The following RYR3 variants were observed in gnomAD, a reference collection of about 807,000 sequenced individuals.
The protein encoded by RYR3 is brain ryanodine receptor-calcium release channel.
In RYR3, 207 loss-of-function variants were observed where a neutral mutation model predicts 584.3. The ratio of observed to expected loss-of-function variants is 0.35; its 90% CI spans 0.32 to 0.40. RYR3 has a LOEUF of 0.40. Ranked by LOEUF, RYR3 falls within the 10% of genes least tolerant of loss-of-function variation. The pLI is 1.00. For missense variants in RYR3, 5,616 were observed against 6,089.2 expected (o/e 0.92, Z 2.59); for synonymous variants, 2,416 against 2,248.5 (o/e 1.07, Z -2.11).
chr15:33,488,961 C>G (rs2050735222), intron 2 of RYR3, among the ~76,000 whole-genome samples: 1 of 152,086 alleles, frequency 6.6e-6, no homozygotes, highest in Admixed American at 6.5e-5. Context: ...TGGTTATGAC[C>G]TTTTGTGTTG....
intron 45 of RYR3, among the ~76,000 whole-genome samples, chr15:33,726,038 C>T (rs1293985673): frequency 7.0e-6 from 1 of 142,310 alleles, no homozygotes; most frequent in African/African-American, 2.6e-5. Context: ...GCTGTCAACA[C>T]TTCTGTCGTG....
chr15:33,451,482 G>T (rs2047125470), intron 1 of RYR3, among the ~76,000 whole-genome samples: 1 of 152,096 alleles, frequency 6.6e-6, no homozygotes, highest in South Asian at 2.1e-4. Flanking sequence ...AAAAAAAACT[G>T]GGGAAAAATG....
At chr15:33,508,408 G>C (rs930246965) in intron 3 of RYR3, among the ~76,000 whole-genome samples, 14 of 152,192 alleles carry the variant, frequency 9.2e-5, no homozygotes, top group African/African-American at 3.4e-4. Flanking sequence ...CCAGCACTCT[G>C]GGAGGCTGAG....
chr15:33,538,500 T>A (rs2055525707), intron 5 of RYR3, among the ~76,000 whole-genome samples: 1 of 152,210 alleles, frequency 6.6e-6, no homozygotes, highest in Admixed American at 6.5e-5. Flanking sequence ...TGACAATGTC[T>A]GGTATTTCCA....
chr15:33,813,136 A>C, intron 73 of RYR3, 142 bp downstream of exon 73: 1 of 1,051,472 alleles, frequency 9.5e-7, no homozygotes, highest in Non-Finnish European at 1.4e-6. Flanking sequence ...GATCACCCCC[A>C]CGTGCCATCT....
intron 67 of RYR3, among the ~76,000 whole-genome samples, chr15:33,798,264 T>C (rs1460925642): frequency 2.6e-5 from 4 of 152,002 alleles, no homozygotes; most frequent in Admixed American, 2.6e-4. Context: ...AATTTTTGTA[T>C]TTTTTTAGTA....
At chr15:33,373,455 A>C (rs1221098670) in intron 1 of RYR3, among the ~76,000 whole-genome samples, 1 of 152,224 alleles carries the variant, frequency 6.6e-6, no homozygotes, top group African/African-American at 2.4e-5. Flanking sequence ...GGTCTAAATG[A>C]AATTATGTAT....
At chr15:33,465,028 G>T (rs531233804) in intron 1 of RYR3, among the ~76,000 whole-genome samples, 1 of 152,080 alleles carries the variant, frequency 6.6e-6, no homozygotes, top group African/African-American at 2.4e-5. Context: ...GCATAATGCC[G>T]TCCAGGATCC....
chr15:33,414,859 C>G (rs1035190153), intron 1 of RYR3, among the ~76,000 whole-genome samples: 2 of 152,220 alleles, frequency 1.3e-5, no homozygotes, highest in Non-Finnish European at 2.9e-5. Context: ...TCCCAAAGTG[C>G]TGGGATTACA....
chr15:33,859,740 G>C lies in RYR3; in HGVS notation c.14299+9G>C. On this transcript the variant is annotated intron_variant, in intron 100 of 103. Transcript: ENST00000634891. ...GCTGGCCATCATTCAAGGTATGATTGCCAATTGTGTTGAGTATGAACAGGG... is the reference window on the plus strand; with the variant it reads ...GCTGGCCATCATTCAAGGTATGATTCCCAATTGTGTTGAGTATGAACAGGG... 1.2e-6 allele frequency: 2 copies of C among 1,601,854 alleles called. No homozygotes were observed. Among genetic ancestry groups the C allele is most frequent in the Non-Finnish European group, 1.7e-6 (2 of 1,173,198 alleles).
intron 16 of RYR3, among the ~76,000 whole-genome samples, chr15:33,588,721 G>A (rs776255007): frequency 2.0e-5 from 3 of 152,084 alleles, no homozygotes; most frequent in Non-Finnish European, 4.4e-5. Flanking sequence ...TTCTGTATTT[G>A]AATTATTTCA....
intron 16 of RYR3, among the ~76,000 whole-genome samples, chr15:33,596,514 ACTT>A (rs1352549974): frequency 1.2e-4 from 17 of 143,636 alleles, no homozygotes; most frequent in African/African-American, 3.7e-4. Flanking sequence ...GGGATTTCTG[ACTT>A]CTTTTTATTT....
intron 3 of RYR3, among the ~76,000 whole-genome samples, chr15:33,519,677 C>T (rs963261757): frequency 6.6e-6 from 1 of 151,552 alleles, no homozygotes; most frequent in Non-Finnish European, 1.5e-5. Flanking sequence ...CTAGTTATTC[C>T]GGTCTATAGC....
At chr15:33,701,134 T>A in intron 42 of RYR3, 54 bp downstream of exon 42, 1 of 1,198,698 alleles carries the variant, frequency 8.3e-7, no homozygotes, top group African/African-American at 1.5e-5. Context: ...GTAGTGCAGC[T>A]AAGCTAAGGA....
At chr15:33,731,224 A>G (rs1384315834) in intron 47 of RYR3, among the ~76,000 whole-genome samples, 1 of 150,526 alleles carries the variant, frequency 6.6e-6, no homozygotes, top group Non-Finnish European at 1.5e-5. Context: ...GAAGACTTAG[A>G]GCCAGCTAGC....
intron 67 of RYR3, among the ~76,000 whole-genome samples, chr15:33,789,660 T>TA (rs1567175274): frequency 1.3e-3 from 11 of 8,316 alleles, no homozygotes; most frequent in Admixed American, 2.3e-3. Flanking sequence ...ATATATATAT[T>TA]TTTTTTTTTT....
intron 3 of RYR3, among the ~76,000 whole-genome samples, chr15:33,519,243 A>G (rs146176885): frequency 6.6e-6 from 1 of 152,180 alleles, no homozygotes; most frequent in Non-Finnish European, 1.5e-5. Context: ...GCTTATCTAC[A>G]GTCTTCACCA....
At chr15:33,853,706 A>G (rs896035528) in intron 96 of RYR3, 24 bp downstream of exon 96, 2 of 1,606,878 alleles carry the variant, frequency 1.2e-6, no homozygotes, top group Non-Finnish European at 1.7e-6. Flanking sequence ...AGGAGTTCAA[A>G]TCCAAAGCAG....
At chr15:33,641,914 G>A (rs768591204) in intron 27 of RYR3, among the ~76,000 whole-genome samples, 3 of 152,138 alleles carry the variant, frequency 2.0e-5, no homozygotes, top group East Asian at 1.9e-4. Flanking sequence ...TAAATCTGGG[G>A]CATTCATCCC....
Sources: allele counts gnomAD v4.1 joint callset (sites outside exome capture counted in the v4.1 genomes callset), GRCh38; gene constraint gnomAD v4.1.1; transcripts MANE v1.5; gene names NCBI Gene and HGNC (gene_info 2026-07-23, HGNC 2026-07-21).